OGFOD1: variants seen among roughly 807,000 people sequenced by gnomAD.
OGFOD1 encodes the protein 2-oxoglutarate and iron dependent oxygenase domain containing 1, also known as prolyl 3-hydroxylase OGFOD1.
In OGFOD1, 54 loss-of-function variants were observed where a neutral mutation model predicts 67.7. That is an observed-to-expected ratio of 0.80 (90% CI 0.64 to 1.00). OGFOD1 has a LOEUF of 1.00. Among genes scored for constraint, OGFOD1 ranks in the 50% least tolerant of loss-of-function variants. The pLI is 0.00. For synonymous variants in OGFOD1, 221 were observed against 227.0 expected, an observed-to-expected ratio of 0.97 and a Z score of 0.24; for missense variants, 606 against 646.7, an observed-to-expected ratio of 0.94 and a Z score of 0.68.
Position 56,466,268 on chromosome 16 carries a change from G to A in OGFOD1, c.565G>A (p.Glu189Lys). 1.3e-6 allele frequency: 2 copies of A among 1,591,224 alleles called. No individual in the cohort carries two copies. The highest frequency in any genetic ancestry group is 1.7e-6 in the Non-Finnish European group (2 of 1,159,292). The change falls in exon 5 of 13, where the codon GAA (glutamate) becomes AAA (lysine). Residue 189 changes from glutamate to lysine, a missense_variant and splice_region_variant. Physicochemically the swap from Glu to Lys is moderately conservative, Grantham distance 56. Coordinates refer to ENST00000566157, the MANE Select transcript of OGFOD1 (RefSeq NM_018233.4). ...TACCCTGGACCTGTACAGCATTGAT[G>A]GTAAGATAAGTATAAGTGCATGCAC... is the stretch of plus-strand genomic sequence containing the variant. ...GGTLDLYSID[E>K]HFQPKQIVKS...
At chr16:56,469,420 G>A (rs1963046271) in intron 8 of OGFOD1, among the ~76,000 whole-genome samples, 1 of 152,154 alleles carries the variant, frequency 6.6e-6, no homozygotes, top group Non-Finnish European at 1.5e-5. Context: ...CTGGGAGGTT[G>A]AGCAGATTGA....
At position 56,468,034 on chromosome 16, in the gene OGFOD1, G is replaced by A; in HGVS notation, c.900+16G>A. 7.6e-7 allele frequency: 1 copy of A among 1,318,346 alleles called. No individual in the cohort carries two copies. Among genetic ancestry groups the A allele is most frequent in the Non-Finnish European group, 1.1e-6 (1 of 911,962 alleles). The allele number at this position is 1,318,346 out of a possible 1,614,324, so 81.7% of individuals were successfully genotyped here. A position where few individuals can be genotyped will look rare whatever the true frequency, so the allele number is the denominator to read the frequency against. ...GTTTCTTAAGGTAAGCTTAGCGTAT[G>A]TTGTTCTGAATATTTTGTTTGGCAT... is the stretch of plus-strand genomic sequence containing the variant. On this transcript the variant is annotated intron_variant, in intron 8 of 12. Transcript: ENST00000566157.
Position 56,479,050 on chromosome 16 carries a change from T to C in OGFOD1, c.*2845T>C, listed in dbSNP as rs1963593565. ...AGGTAGCAAAAGAAGAATTAGAACA[T>C]GGGCATCTTTTTTATACCTCTTTCA... On this transcript the variant is annotated 3_prime_UTR_variant, in exon 13 of 13. Coordinates refer to ENST00000566157, the MANE Select transcript of OGFOD1 (RefSeq NM_018233.4). 6.6e-6 allele frequency: 1 copy of C among 152,242 alleles called. No individual in the cohort carries two copies. Among genetic ancestry groups the C allele is most frequent in the Admixed American group, 6.5e-5 (1 of 15,278 alleles). 9.4% of individuals were successfully genotyped at this position (152,242 alleles called of 1,614,324 possible). A position where few individuals can be genotyped will look rare whatever the true frequency, so the allele number is the denominator to read the frequency against.
In OGFOD1 at chr16:56,451,578, G is replaced by C. The variant is rs779934695; in HGVS notation, c.-35G>C. ...AGTACCCTCAGGAAGGTAGCGTCTT[G>C]ATCTGCGTGGCGTGGTTCTGTGCCT... is the stretch of plus-strand genomic sequence containing the variant. On this transcript the variant is annotated 5_prime_UTR_variant, in exon 1 of 13. Transcript: ENST00000566157. 1.1e-5 allele frequency: 18 copies of C among 1,611,012 alleles called. No homozygotes were observed. The East Asian group carries it at 2.0e-4, about 18-fold the overall frequency.
At position 56,476,211 on chromosome 16, in the gene OGFOD1, C is replaced by T. The variant is rs1193612463; in HGVS notation, c.*6C>T. 6.2e-7 allele frequency: 1 copy of T among 1,602,614 alleles called. No individual in the cohort carries two copies. The highest frequency in any genetic ancestry group is 1.8e-5 in the Admixed American group (1 of 56,862). On this transcript the variant is annotated 3_prime_UTR_variant, in exon 13 of 13. Coordinates refer to ENST00000566157, the MANE Select transcript of OGFOD1 (RefSeq NM_018233.4). ...CATTCATCTATTATGAATGACAGCA[C>T]TGGGCAAAGCTGAACAAAAATGTGA... is the stretch of plus-strand genomic sequence containing the variant.
At chr16:56,469,915 G>T in intron 8 of OGFOD1, 88 bp from the exon 9 acceptor site, 40 of 727,078 alleles carry the variant, frequency 5.5e-5, no homozygotes, top group Middle Eastern at 2.7e-4. Context: ...CAGCCAGATT[G>T]ATGTTTGGCA....
chr16:56,462,101 A>T (rs1284465003), intron 3 of OGFOD1, among the ~76,000 whole-genome samples: 5 of 151,904 alleles, frequency 3.3e-5, no homozygotes, highest in African/African-American at 1.2e-4. Context: ...TCAAAAAAAA[A>T]AAAAGAAAGA....
intron 10 of OGFOD1, among the ~76,000 whole-genome samples, chr16:56,473,594 A>G (rs1373788688): frequency 6.6e-6 from 1 of 152,174 alleles, no homozygotes; most frequent in Non-Finnish European, 1.5e-5. Flanking sequence ...TCTTCCTAGC[A>G]AACTGTTATA....
At chr16:56,475,416 C>A in intron 11 of OGFOD1, 91 bp from the exon 12 acceptor site, 1 of 1,173,766 alleles carries the variant, frequency 8.5e-7, no homozygotes, top group Non-Finnish European at 1.3e-6. Flanking sequence ...AGATCCCCCA[C>A]TGTTAAGCAG....
chr16:56,457,481 C>T (rs1287186912), intron 2 of OGFOD1, among the ~76,000 whole-genome samples: 1 of 152,068 alleles, frequency 6.6e-6, no homozygotes, highest in Non-Finnish European at 1.5e-5. Context: ...TGATGATCGC[C>T]CAACATTGTG....
chr16:56,475,472 A>C, intron 11 of OGFOD1, 35 bp from the exon 12 acceptor site: 1 of 1,600,992 alleles, frequency 6.2e-7, no homozygotes, highest in African/African-American at 1.3e-5. Flanking sequence ...TTTCAATAGG[A>C]GCTTTCTGAA....
intron 3 of OGFOD1, among the ~76,000 whole-genome samples, chr16:56,459,341 CA>C (rs1290722013): frequency 0.015 from 1,495 of 103,064 alleles, 11 homozygotes; most frequent in African/African-American, 0.044. Flanking sequence ...GACTCCATCT[CA>C]AAAAAAAAAA....
At position 56,475,554 on chromosome 16, in the gene OGFOD1, G is replaced by A; in HGVS notation, c.1456G>A (p.Glu486Lys). The A allele has an allele frequency of 5.0e-6, 8 of 1,613,916 alleles. No individual in the cohort carries two copies. In the South Asian group the frequency reaches 7.7e-5, roughly 16 times the overall value. ...GGFTSYIAKG[E>K]DEELLTVNPE... is the part of the protein sequence containing the mutation. ...TTTTACTTCTTACATTGCCAAAGGT[G>A]AAGATGAAGAGGTAAGTTTCTTCTG... Residue 486 changes from glutamate to lysine, a missense_variant, in exon 12 of 13, where the codon GAA (glutamate) becomes AAA (lysine). Coordinates refer to ENST00000566157, the MANE Select transcript of OGFOD1 (RefSeq NM_018233.4).
chr16:56,460,443 C>T (rs932079141), intron 3 of OGFOD1, among the ~76,000 whole-genome samples: 1 of 152,244 alleles, frequency 6.6e-6, no homozygotes, highest in African/African-American at 2.4e-5. Context: ...GGATTTAAGA[C>T]TATTAGTTGC....
chr16:56,454,352 A>G (rs998316776), intron 2 of OGFOD1, among the ~76,000 whole-genome samples: 3 of 152,158 alleles, frequency 2.0e-5, no homozygotes, highest in Admixed American at 6.5e-5. Context: ...CCATCTCAAA[A>G]TAAAATAGAG....
At chr16:56,475,222 G>A (rs1026866469) in intron 11 of OGFOD1, among the ~76,000 whole-genome samples, 4 of 152,128 alleles carry the variant, frequency 2.6e-5, no homozygotes, top group African/African-American at 7.2e-5. Context: ...TTATGTAATT[G>A]CCCTTCTGGG....
chr16:56,456,077 G>T (rs1479560394), intron 2 of OGFOD1, among the ~76,000 whole-genome samples: 1 of 152,098 alleles, frequency 6.6e-6, no homozygotes, highest in East Asian at 1.9e-4. Flanking sequence ...AACTACACTT[G>T]TCAAGATCAC....
intron 3 of OGFOD1, among the ~76,000 whole-genome samples, chr16:56,461,750 G>C (rs1049446597): frequency 1.3e-5 from 2 of 152,120 alleles, no homozygotes; most frequent in Non-Finnish European, 2.9e-5. Context: ...TGGTCAGTGT[G>C]GGGGGATAAG....
intron 2 of OGFOD1, among the ~76,000 whole-genome samples, chr16:56,454,447 CTT>C (rs112104995): frequency 3.7e-5 from 5 of 135,492 alleles, no homozygotes. Flanking sequence ...TAAATCCGTT[CTT>C]TTTTTTTTTG....
Sources: allele counts gnomAD v4.1 joint callset (sites outside exome capture counted in the v4.1 genomes callset), GRCh38; gene constraint gnomAD v4.1.1; transcripts MANE v1.5; gene names NCBI Gene and HGNC (gene_info 2026-07-23, HGNC 2026-07-21).